Variants in SCHIP1 observed in about 807,000 individuals in gnomAD.
SCHIP1 encodes schwannomin interacting protein 1.
In SCHIP1, 8 loss-of-function variants were observed where a neutral mutation model predicts 29.7. That is an observed-to-expected ratio of 0.27 (90% CI 0.16 to 0.49). SCHIP1 has a LOEUF of 0.49. SCHIP1 is among the 20% of genes least tolerant of loss of function. The pLI is 0.99. For missense variants in SCHIP1, 193 were observed against 294.6 expected (o/e 0.66, Z 2.52); for synonymous variants, 76 against 94.9 (o/e 0.80, Z 1.16).
the SCHIP1 span, among the ~76,000 whole-genome samples, chr3:159,610,361 T>G: frequency 6.6e-6 from 1 of 152,232 alleles, no homozygotes; most frequent in Non-Finnish European, 1.5e-5. Flanking sequence ...TATTCACTTA[T>G]TCATTTTCCA....
At chr3:159,514,019 G>A in the SCHIP1 span, among the ~76,000 whole-genome samples, 1 of 152,206 alleles carries the variant, frequency 6.6e-6, no homozygotes, top group South Asian at 2.1e-4. Flanking sequence ...GGTGCAAGAC[G>A]TGAAATGAAC....
chr3:159,627,696 C>T, the SCHIP1 span, among the ~76,000 whole-genome samples: 1 of 152,142 alleles, frequency 6.6e-6, no homozygotes, highest in Non-Finnish European at 1.5e-5. Context: ...AAATATTCAT[C>T]TGAAGAACAA....
chr3:159,376,851 C>G, the SCHIP1 span, among the ~76,000 whole-genome samples: 1 of 152,154 alleles, frequency 6.6e-6, no homozygotes, highest in Non-Finnish European at 1.5e-5. Context: ...ATTGAAAATA[C>G]TCACTGAGAA....
At chr3:159,276,860 G>A in the SCHIP1 span, among the ~76,000 whole-genome samples, 8 of 152,164 alleles carry the variant, frequency 5.3e-5, no homozygotes, top group African/African-American at 1.7e-4. Context: ...GTTGCAGCAT[G>A]TAAAGAACAA....
the SCHIP1 span, among the ~76,000 whole-genome samples, chr3:159,694,226 C>G: frequency 1.4e-5 from 2 of 145,802 alleles, no homozygotes; most frequent in Non-Finnish European, 3.0e-5. Context: ...TGGCTCATGC[C>G]TAACACTAAC....
chr3:159,819,048 T>C, the SCHIP1 span, among the ~76,000 whole-genome samples: 562 of 152,306 alleles, frequency 3.7e-3, 4 homozygotes, highest in Non-Finnish European at 5.3e-3. Flanking sequence ...AGAATGTGCA[T>C]TGGGGCTGCA....
At chr3:159,686,415 T>C in the SCHIP1 span, among the ~76,000 whole-genome samples, 1 of 152,140 alleles carries the variant, frequency 6.6e-6, no homozygotes, top group Admixed American at 6.5e-5. Context: ...TCCTCAGAAA[T>C]ATGTTTTCAA....
At chr3:159,333,002 T>C in the SCHIP1 span, among the ~76,000 whole-genome samples, 6 of 152,166 alleles carry the variant, frequency 3.9e-5, no homozygotes, top group Admixed American at 2.0e-4. Context: ...AGAGAGACTA[T>C]TGGATTTAGG....
At chr3:159,706,175 G>GT in the SCHIP1 span, among the ~76,000 whole-genome samples, 1 of 152,066 alleles carries the variant, frequency 6.6e-6, no homozygotes, top group Non-Finnish European at 1.5e-5. Flanking sequence ...GCCATCTGTG[G>GT]TTTTTTTCAG....
the SCHIP1 span, among the ~76,000 whole-genome samples, chr3:159,539,899 T>TTTTTTTGTAA: frequency 1.2e-5 from 1 of 83,426 alleles, no homozygotes; most frequent in East Asian, 5.5e-4. Context: ...AGATGATTCC[T>TTTTTTTGTAA]CTTTAGGAAA....
At chr3:159,768,607 C>G in the SCHIP1 span, 1 of 152,446 alleles carries the variant, frequency 6.6e-6, no homozygotes, top group South Asian at 2.1e-4. Flanking sequence ...AAACTAATCT[C>G]TCTCTTGGTA....
chr3:159,645,944 A>G, the SCHIP1 span, among the ~76,000 whole-genome samples: 52 of 152,170 alleles, frequency 3.4e-4, no homozygotes, highest in Non-Finnish European at 6.5e-4. Flanking sequence ...TCTGTGGAAT[A>G]TAAGAGTAAA....
chr3:159,320,653 T>C, the SCHIP1 span, among the ~76,000 whole-genome samples: 1 of 152,178 alleles, frequency 6.6e-6, no homozygotes, highest in African/African-American at 2.4e-5. Context: ...CTTGGCTGGT[T>C]AAATCCTGGG....
chr3:159,811,381 C>A, the SCHIP1 span, among the ~76,000 whole-genome samples: 1 of 152,172 alleles, frequency 6.6e-6, no homozygotes, highest in Non-Finnish European at 1.5e-5. Flanking sequence ...CTTAAGGTTG[C>A]AAAGATCTTC....
chr3:159,344,410 G>A, the SCHIP1 span, among the ~76,000 whole-genome samples: 6 of 151,754 alleles, frequency 4.0e-5, no homozygotes, highest in Admixed American at 3.9e-4. Context: ...GGAGAAACCT[G>A]ACAAACACTA....
chr3:159,626,480 T>C, the SCHIP1 span, among the ~76,000 whole-genome samples: 3 of 151,914 alleles, frequency 2.0e-5, no homozygotes, highest in Non-Finnish European at 1.5e-5. Context: ...TCAGACATGA[T>C]GTCACCAGTT....
the SCHIP1 span, among the ~76,000 whole-genome samples, chr3:159,599,777 G>A: frequency 1.3e-5 from 2 of 152,102 alleles, no homozygotes; most frequent in Non-Finnish European, 2.9e-5. Context: ...ACTGTTTGAG[G>A]CTTTCTCATC....
chr3:159,733,397 T>C, the SCHIP1 span, among the ~76,000 whole-genome samples: 5 of 152,184 alleles, frequency 3.3e-5, no homozygotes, highest in African/African-American at 9.7e-5. Flanking sequence ...GGGTGTAGTA[T>C]AGAAGGAGAA....
At chr3:159,750,050 G>T in the SCHIP1 span, among the ~76,000 whole-genome samples, 1 of 151,772 alleles carries the variant, frequency 6.6e-6, no homozygotes, top group Non-Finnish European at 1.5e-5. Flanking sequence ...TAAGTTCTTT[G>T]TTATCCTTAT....
Sources: gnomAD v4.1 joint callset for allele counts (sites outside exome capture counted in the v4.1 genomes callset) on GRCh38, gnomAD v4.1.1 for gene constraint, MANE v1.5 for transcripts, NCBI Gene and HGNC (gene_info 2026-07-23, HGNC 2026-07-21) for gene names.